The following MCPH1 variants were observed in gnomAD, a reference collection of about 807,000 sequenced individuals.
MCPH1 encodes microcephalin 1, also known as microcephalin.
Under a neutral mutation model 84.5 loss-of-function variants are expected in MCPH1, and 104 were observed. The ratio of observed to expected loss-of-function variants is 1.23; its 90% confidence interval spans 1.05 to 1.45. The LOEUF is 1.45. Ranked by LOEUF, MCPH1 falls within the 40% of genes most tolerant of loss-of-function variation. The probability of loss-of-function intolerance (pLI) is 0.00; values close to 1 mark genes in which losing one functional copy is unlikely to be tolerated. For missense variants in MCPH1, 1,498 were observed against 1,005.7 expected (o/e 1.49, Z -6.62); for synonymous variants, 514 against 366.8 (o/e 1.40, Z -4.58).
chr8:6,563,158 C>T, intron 12 of MCPH1: 1 of 429,616 alleles, frequency 2.3e-6, no homozygotes, highest in Admixed American at 3.5e-5. Context: ...GAAGAACAGT[C>T]CTGCTCACTT....
intron 12 of MCPH1, among the ~76,000 whole-genome samples, chr8:6,504,990 T>C (rs758732951): frequency 1.6e-4 from 24 of 151,788 alleles, no homozygotes; most frequent in Non-Finnish European, 3.2e-4. Context: ...ACATACAGTA[T>C]GATACTCCTT....
At chr8:6,639,749 G>T (rs1297020929) in intron 13 of MCPH1, among the ~76,000 whole-genome samples, 1 of 151,764 alleles carries the variant, frequency 6.6e-6, no homozygotes, top group East Asian at 1.9e-4. Flanking sequence ...ATATATATTG[G>T]AGAATGACAT....
chr8:6,465,138 G>C (rs1217241414), intron 9 of MCPH1, among the ~76,000 whole-genome samples: 2 of 152,196 alleles, frequency 1.3e-5, no homozygotes, highest in Non-Finnish European at 1.5e-5. Context: ...CGGGGAGTCA[G>C]CTTAATGATA....
At chr8:6,633,751 C>T (rs985040161) in intron 13 of MCPH1, among the ~76,000 whole-genome samples, 9 of 152,286 alleles carry the variant, frequency 5.9e-5, no homozygotes, top group Admixed American at 3.3e-4. Flanking sequence ...AGATTCCCCA[C>T]GATACCTCAC....
chr8:6,467,156 G>T (rs1807084895), intron 9 of MCPH1, among the ~76,000 whole-genome samples: 1 of 152,288 alleles, frequency 6.6e-6, no homozygotes, highest in Non-Finnish European at 1.5e-5. Context: ...ATCCTTTTGT[G>T]ACTTTTGGAT....
intron 9 of MCPH1, among the ~76,000 whole-genome samples, chr8:6,466,138 T>C (rs1040910073): frequency 2.1e-5 from 3 of 145,448 alleles, no homozygotes; most frequent in African/African-American, 7.6e-5. Flanking sequence ...GATTTTTTTT[T>C]TTTTTTTTTT....
intron 9 of MCPH1, among the ~76,000 whole-genome samples, chr8:6,469,215 C>A (rs1807398518): frequency 6.6e-6 from 1 of 151,972 alleles, no homozygotes; most frequent in South Asian, 2.1e-4. Flanking sequence ...ATTTTAGTCT[C>A]AATTTTCTAC....
chr8:6,625,182 C>A (rs1586854763), intron 13 of MCPH1: 1 of 985,256 alleles, frequency 1.0e-6, no homozygotes, highest in Admixed American at 6.2e-5. Flanking sequence ...GCCGAAATCA[C>A]CTATTTTCTG....
chr8:6,493,860 AAGAC>A (rs1810935920), intron 11 of MCPH1, among the ~76,000 whole-genome samples: 1 of 152,200 alleles, frequency 6.6e-6, no homozygotes, highest in Non-Finnish European at 1.5e-5. Context: ...GCTGTTAGTC[AAGAC>A]AGTAATCCTC....
intron 12 of MCPH1, among the ~76,000 whole-genome samples, chr8:6,528,214 G>A (rs933868045): frequency 6.6e-6 from 1 of 152,108 alleles, no homozygotes; most frequent in South Asian, 2.1e-4. Context: ...TCTCTATCTT[G>A]GAAAGTGGTT....
At chr8:6,621,776 C>T in intron 13 of MCPH1, 85 bp downstream of exon 13, 31 of 1,575,666 alleles carry the variant, frequency 2.0e-5, no homozygotes, top group Non-Finnish European at 2.1e-5. Flanking sequence ...GCTCACACCC[C>T]CTTCCACGCA....
chr8:6,589,941 T>C (rs1013901093), intron 12 of MCPH1, among the ~76,000 whole-genome samples: 13 of 152,236 alleles, frequency 8.5e-5, no homozygotes, highest in Non-Finnish European at 8.8e-5. Flanking sequence ...CATAAAAGAC[T>C]AGTTTTACTC....
intron 11 of MCPH1, among the ~76,000 whole-genome samples, chr8:6,483,696 C>A (rs1371119433): frequency 1.9e-4 from 29 of 152,054 alleles, no homozygotes; most frequent in Non-Finnish European, 4.4e-5. Flanking sequence ...CCCGTCTCTA[C>A]CAAAAATAAA....
At chr8:6,484,541 A>T (rs1309371315) in intron 11 of MCPH1, among the ~76,000 whole-genome samples, 1 of 152,224 alleles carries the variant, frequency 6.6e-6, no homozygotes, top group Non-Finnish European at 1.5e-5. Flanking sequence ...GGAGAAATGA[A>T]AGCTTGTGTT....
intron 12 of MCPH1, among the ~76,000 whole-genome samples, chr8:6,611,550 A>G (rs1278773488): frequency 6.6e-6 from 1 of 152,214 alleles, no homozygotes; most frequent in Non-Finnish European, 1.5e-5. Flanking sequence ...ATGCCCTCTC[A>G]GGGGGCATCA....
At chr8:6,446,675 G>C in intron 8 of MCPH1, 5 of 984,850 alleles carry the variant, frequency 5.1e-6, no homozygotes, top group South Asian at 9.4e-5. Context: ...TGGTAGTTAA[G>C]AATATCCTGT....
chr8:6,430,195 A>C (rs1801635896), intron 3 of MCPH1, among the ~76,000 whole-genome samples: 1 of 152,098 alleles, frequency 6.6e-6, no homozygotes, highest in African/African-American at 2.4e-5. Flanking sequence ...GCCTGGTTGT[A>C]CTTCTCTTGT....
chr8:6,528,046 C>A (rs1353362403), intron 12 of MCPH1, among the ~76,000 whole-genome samples: 2 of 147,620 alleles, frequency 1.4e-5, no homozygotes, highest in Admixed American at 1.3e-4. Flanking sequence ...CAGGTGCGTA[C>A]CACCATACCC....
chr8:6,417,246 T>C (rs957493411), intron 3 of MCPH1, among the ~76,000 whole-genome samples: 32 of 152,238 alleles, frequency 2.1e-4, no homozygotes, highest in African/African-American at 7.7e-4. Flanking sequence ...ATTAGCTGTA[T>C]ACCAGGGATT....
Sources: allele counts gnomAD v4.1 joint callset (sites outside exome capture counted in the v4.1 genomes callset), GRCh38; gene constraint gnomAD v4.1.1; transcripts MANE v1.5; gene names NCBI Gene and HGNC (gene_info 2026-07-23, HGNC 2026-07-21).